SUMF1: variants seen among roughly 807,000 people sequenced by gnomAD.
SUMF1 encodes formylglycine-generating enzyme.
A neutral mutation model predicts 47.6 loss-of-function variants in SUMF1; 48 were observed. The ratio of observed to expected loss-of-function variants is 1.01; its 90% CI spans 0.80 to 1.28. SUMF1 has a LOEUF of 1.28. Among genes scored for constraint, SUMF1 ranks in the 50% most tolerant of loss-of-function variants. The probability of loss-of-function intolerance (pLI) is 0.00; values close to 1 mark genes in which losing one functional copy is unlikely to be tolerated. For missense variants in SUMF1, 571 were observed against 485.4 expected, an observed-to-expected ratio of 1.18 and a Z score of -1.66; for synonymous variants, 230 against 192.1, an observed-to-expected ratio of 1.20 and a Z score of -1.63.
At chr3:4,056,571 T>A (rs1695195053) in intron 9 of SUMF1, among the ~76,000 whole-genome samples, 1 of 151,890 alleles carries the variant, frequency 6.6e-6, no homozygotes, top group Non-Finnish European at 1.5e-5. Flanking sequence ...GGTGGGAGGA[T>A]CGCTTGAGCC....
rs907277045 is a variant in SUMF1, at chr3:4,467,097, C to A, written c.149G>T (p.Cys50Phe). 5 of 1,561,622 alleles carry A rather than the reference C, an allele frequency of 3.2e-6. No homozygotes were observed. The highest frequency in any genetic ancestry group is 4.3e-6 in the Non-Finnish European group (5 of 1,154,318). The change falls in exon 1 of 9, where the codon TGC (cysteine) becomes TTC (phenylalanine). Residue 50 changes from cysteine to phenylalanine, a missense_variant. Coordinates refer to ENST00000272902, the MANE Select transcript of SUMF1 (RefSeq NM_182760.4). ...GAGAGSLAGS[C>F]GCGTPQRPGA... Reference sequence around the variant, plus strand: ...AGGCCGCTGGGGCGTGCCGCAGCCGCAAGAACCCGCAAGGGACCCCGCGCC... The same window carrying A: ...AGGCCGCTGGGGCGTGCCGCAGCCGAAAGAACCCGCAAGGGACCCCGCGCC...
chr3:4,046,010 C>A (rs1255433089), intron 9 of SUMF1, among the ~76,000 whole-genome samples: 2 of 152,056 alleles, frequency 1.3e-5, no homozygotes, highest in Non-Finnish European at 2.9e-5. Flanking sequence ...ATGATTGCAC[C>A]ACTACTGTCC....
chr3:4,301,583 T>G (rs1486898291), intron 8 of SUMF1, among the ~76,000 whole-genome samples: 1 of 152,022 alleles, frequency 6.6e-6, no homozygotes, highest in African/African-American at 2.4e-5. Context: ...GAGGCAAAAA[T>G]GAGAACATGA....
chr3:4,336,115 T>TCAAGGTTGATTTGGC (rs1325101071), intron 8 of SUMF1, among the ~76,000 whole-genome samples: 1 of 152,044 alleles, frequency 6.6e-6, no homozygotes, highest in Non-Finnish European at 1.5e-5. Flanking sequence ...CTCAAACGAT[T>TCAAGGTTGATTTGGC]CAAGGTTGAT....
In SUMF1 at chr3:4,390,123, A is replaced by G. The variant is rs563355421; in HGVS notation, c.955-13734T>C. Among the ~76,000 whole-genome samples the G allele has an allele frequency of 9.9e-4, 151 of 152,308 alleles. 1 individual carries two copies. The highest frequency in any genetic ancestry group is 8.5e-3 in the South Asian group (41 of 4,824). ...TGTCTTTCTCTGATACCACCCTGGC[A>G]GGGGAAGAGAGAAGGTGTGATCCTG... On this transcript the variant is annotated intron_variant, in intron 7 of 8. Coordinates refer to ENST00000272902, the MANE Select transcript of SUMF1 (RefSeq NM_182760.4).
intron 8 of SUMF1, among the ~76,000 whole-genome samples, chr3:4,135,214 A>G (rs533172407): frequency 7.7e-4 from 118 of 152,306 alleles, no homozygotes; most frequent in African/African-American, 2.6e-3. Context: ...TATTGATGCA[A>G]AAATCCTCAA....
At chr3:4,242,441 C>T (rs1286289543) in intron 8 of SUMF1, among the ~76,000 whole-genome samples, 4 of 152,038 alleles carry the variant, frequency 2.6e-5, no homozygotes, top group Admixed American at 6.6e-5. Flanking sequence ...TTTTGAGATA[C>T]GTTCCATCAA....
At chr3:4,108,110 A>C (rs895806529) in intron 8 of SUMF1, among the ~76,000 whole-genome samples, 1 of 152,074 alleles carries the variant, frequency 6.6e-6, no homozygotes, top group South Asian at 2.1e-4. Flanking sequence ...AAGAGAGATG[A>C]TTCTGGTATG....
At chr3:4,462,265 C>T (rs1398766064) in intron 1 of SUMF1, among the ~76,000 whole-genome samples, 1 of 152,108 alleles carries the variant, frequency 6.6e-6, no homozygotes, top group Non-Finnish European at 1.5e-5. Context: ...AGGGATAGGC[C>T]CAAGACCCAA....
At chr3:4,419,965 T>G (rs969000255) in intron 4 of SUMF1, 99 bp downstream of exon 4, 7 of 938,970 alleles carry the variant, frequency 7.5e-6, no homozygotes, top group Non-Finnish European at 1.2e-5. Context: ...ATTCTTATCA[T>G]TTTATAGATG....
intron 8 of SUMF1, among the ~76,000 whole-genome samples, chr3:4,204,516 T>A (rs989640694): frequency 1.4e-4 from 22 of 152,142 alleles, no homozygotes; most frequent in African/African-American, 4.3e-4. Context: ...AATATTGTTA[T>A]CTCTCTCTAG....
At chr3:4,230,711 G>A (rs1213142781) in intron 8 of SUMF1, among the ~76,000 whole-genome samples, 1 of 152,040 alleles carries the variant, frequency 6.6e-6, no homozygotes, top group Non-Finnish European at 1.5e-5. Flanking sequence ...TGGTGGGGCC[G>A]AAATTCCCAA....
intron 1 of SUMF1, among the ~76,000 whole-genome samples, chr3:4,462,088 A>G (rs1340110927): frequency 6.6e-6 from 1 of 152,228 alleles, no homozygotes; most frequent in Admixed American, 6.5e-5. Flanking sequence ...ATTTTGGTCC[A>G]TCCGGCACCC....
intron 8 of SUMF1, among the ~76,000 whole-genome samples, chr3:4,082,239 G>A (rs1466262495): frequency 6.6e-6 from 1 of 152,050 alleles, no homozygotes; most frequent in Non-Finnish European, 1.5e-5. Context: ...AGCCCAAGGT[G>A]GGCAGATCGC....
intron 8 of SUMF1, among the ~76,000 whole-genome samples, chr3:4,150,432 G>A (rs1694292404): frequency 6.6e-6 from 1 of 151,382 alleles, no homozygotes; most frequent in South Asian, 2.1e-4. Flanking sequence ...TGTAGAGGCA[G>A]GTGCCTGTAG....
Position 4,064,049 on chromosome 3 carries a change from A to G in SUMF1, c.1191+4520T>C, listed in dbSNP as rs533057243. The stretch of plus-strand genomic sequence containing the variant: ...CTGAGGGTGAGATAATGGCCCTGTC[A>G]GAGGCATTTGAACCAGAGTGACTTC... On this transcript the variant is annotated intron_variant and NMD_transcript_variant, in intron 9 of 12. Coordinates refer to the SUMF1 transcript ENST00000448413. Among the ~76,000 whole-genome samples, 27 of 152,248 alleles carry G rather than the reference A, an allele frequency of 1.8e-4. No homozygotes were observed. The South Asian group carries it at 5.2e-3, about 29-fold the overall frequency.
intron 3 of SUMF1, among the ~76,000 whole-genome samples, chr3:4,445,531 G>GTC (rs150097291): frequency 2.5e-4 from 37 of 150,206 alleles, no homozygotes; most frequent in Admixed American, 7.3e-4. Flanking sequence ...TAGAGATGGG[G>GTC]TCTCTCTCTC....
intron 7 of SUMF1, among the ~76,000 whole-genome samples, chr3:4,401,036 C>T (rs146398225): frequency 0.032 from 4,689 of 144,436 alleles, 128 homozygotes; most frequent in African/African-American, 0.076. Flanking sequence ...CATTGTTCAA[C>T]TCCCACCCAT....
intron 8 of SUMF1, among the ~76,000 whole-genome samples, chr3:4,157,902 C>A (rs946491019): frequency 4.0e-5 from 6 of 151,408 alleles, no homozygotes; most frequent in South Asian, 2.1e-4. Context: ...GTACTCAAGT[C>A]ATATATCCCA....
Sources: allele counts gnomAD v4.1 joint callset (sites outside exome capture counted in the v4.1 genomes callset), GRCh38; gene constraint gnomAD v4.1.1; transcripts MANE v1.5; gene names NCBI Gene and HGNC (gene_info 2026-07-23, HGNC 2026-07-21).